CFTR: variants seen among roughly 807,000 people sequenced by gnomAD.
The protein encoded by CFTR is cystic fibrosis transmembrane conductance regulator.
In CFTR, 181 loss-of-function variants were observed where a neutral mutation model predicts 171.6. The observed-to-expected ratio is 1.05, with a 90% CI of 0.93 to 1.19. The LOEUF is 1.19. Ranked by LOEUF, CFTR falls within the 50% of genes most tolerant of loss-of-function variation. The pLI, the probability that CFTR is intolerant of heterozygous loss-of-function variation, is 0.00. For synonymous variants in CFTR, 583 were observed against 608.0 expected (o/e 0.96, Z 0.60); for missense variants, 1,968 against 1,734.7 (o/e 1.13, Z -2.39).
chr7:117,526,340 A>C (rs866746046), intron 3 of CFTR, among the ~76,000 whole-genome samples: 3 of 125,960 alleles, frequency 2.4e-5, no homozygotes, highest in Non-Finnish European at 4.9e-5. Context: ...ACATACCAGA[A>C]TCTCTGGGAT....
rs190831650 is a variant in CFTR, at chr7:117,566,400, A to C, written c.1584+6745A>C. ...CTGTGAGCTGAGATTGCGCCACTGC[A>C]CTCTAGCCTGGGTGACAGAGTGAGA... On this transcript the variant is annotated intron_variant, in intron 11 of 26. Transcript: ENST00000003084. 9.3e-4 allele frequency among the ~76,000 whole-genome samples: 142 copies of C among 152,198 alleles called. 1 individual carries two copies. Among genetic ancestry groups the C allele is most frequent in the Non-Finnish European group, 9.1e-4 (62 of 68,016 alleles).
chr7:117,648,451 T>G (rs564614656), intron 23 of CFTR, among the ~76,000 whole-genome samples: 1 of 152,168 alleles, frequency 6.6e-6, no homozygotes, highest in South Asian at 2.1e-4. Flanking sequence ...ACCGGGTGAG[T>G]AATGGTGCTC....
In CFTR at chr7:117,585,817, G is replaced by GA. The variant is rs369943450; in HGVS notation, c.1585-1915dup. Reference sequence around the variant, plus strand: ...CTACCATGCCCAGCTAATTTAAAAGGAAAAAAATTGTGTAGAGATGGGTCT... The same window carrying GA: ...CTACCATGCCCAGCTAATTTAAAAGGAAAAAAAATTGTGTAGAGATGGGTCT... On this transcript the variant is annotated intron_variant, in intron 11 of 26. Coordinates refer to ENST00000003084, the MANE Select transcript of CFTR (RefSeq NM_000492.4). 3.3e-5 allele frequency among the ~76,000 whole-genome samples: 5 copies of GA among 151,888 alleles called. 1 individual carries two copies. Among genetic ancestry groups the GA allele is most frequent in the African/African-American group, 9.6e-5 (4 of 41,464 alleles).
chr7:117,626,390 T>G (rs1387363315), intron 21 of CFTR, among the ~76,000 whole-genome samples: 1 of 152,136 alleles, frequency 6.6e-6, no homozygotes, highest in Non-Finnish European at 1.5e-5. Flanking sequence ...CCAAAAAGAA[T>G]AATTTTTGAA....
chr7:117,582,185 T>C (rs1236468816), intron 11 of CFTR, among the ~76,000 whole-genome samples: 2 of 152,210 alleles, frequency 1.3e-5, no homozygotes, highest in Non-Finnish European at 2.9e-5. Context: ...TTATGAAACA[T>C]AAACTATTAT....
rs1249695890 is a variant in CFTR at position 117,531,096 on chromosome 7, T to TA, written c.472dup (p.Ser158LysfsTer5). On this transcript the variant is annotated frameshift_variant, in exon 4 of 27. Transcript: ENST00000003084. LOFTEE classifies it high-confidence loss of function. ...GAATGCAGATGAGAATAGCTATGTT[T>TA]AGTTTGATTTATAAGAAGGTAATAC... The TA allele has an allele frequency of 6.2e-7, 1 of 1,612,732 alleles. No homozygotes were observed.
rs1792099468 is a variant in CFTR at position 117,595,026 on chromosome 7, C to T, written c.2587C>T (p.Leu863=). ...ITVHKSLIFV[L]IWCLVIFLAE... Reference sequence around the variant, plus strand: ...TGTCCACAAGAGCTTAATTTTTGTGCTAATTTGGTGCTTAGTAATTTTTCT... The same window carrying T: ...TGTCCACAAGAGCTTAATTTTTGTGTTAATTTGGTGCTTAGTAATTTTTCT... Residue 863 remains leucine, a synonymous_variant, in exon 15 of 27, where the codon CTA becomes TTA. Transcript: ENST00000003084. The T allele has an allele frequency of 6.2e-7, 1 of 1,612,506 alleles. No individual in the cohort carries two copies. The highest frequency in any genetic ancestry group is 8.5e-7 in the Non-Finnish European group (1 of 1,179,260).
intron 2 of CFTR, among the ~76,000 whole-genome samples, chr7:117,505,267 C>G (rs997075367): frequency 1.1e-4 from 17 of 152,194 alleles, no homozygotes; most frequent in African/African-American, 3.6e-4. Flanking sequence ...GTAGTCCCCC[C>G]CATAAAGAAT....
chr7:117,614,659 TATC>T lies in CFTR; in HGVS notation c.3417_3419del (p.Ile1139del), dbSNP rs1357673064. On this transcript the variant is annotated inframe_deletion, in exon 21 of 27. Coordinates refer to ENST00000003084, the MANE Select transcript of CFTR (RefSeq NM_000492.4). ...GTATTATCCTGACTTTAGCCATGAA[TATC>T]ATGAGTACATTGCAGTGGGCTGTAA... The T allele has an allele frequency of 6.2e-7, 1 of 1,612,592 alleles. No homozygotes were observed. Among genetic ancestry groups the T allele is most frequent in the South Asian group, 1.1e-5 (1 of 91,056 alleles).
In CFTR at chr7:117,642,579, G is replaced by A. The variant is rs1792936385; in HGVS notation, c.3859G>A (p.Gly1287Arg). 2.5e-6 allele frequency: 4 copies of A among 1,613,382 alleles called. No individual in the cohort carries two copies. The highest frequency in any genetic ancestry group is 3.4e-6 in the Non-Finnish European group (4 of 1,179,612). ...ITLQQWRKAF[G>R]VIPQKVFIFS... Reference sequence around the variant, plus strand: ...TTTGCAACAGTGGAGGAAAGCCTTTGGAGTGATACCACAGGTGAGCAAAAG... The same window carrying A: ...TTTGCAACAGTGGAGGAAAGCCTTTAGAGTGATACCACAGGTGAGCAAAAG... Residue 1287 changes from glycine to arginine, a missense_variant, in exon 23 of 27, where the codon GGA becomes AGA. By Grantham distance (125) the Gly-to-Arg change is moderately radical. Transcript: ENST00000003084.
At chr7:117,551,648 A>T (rs1788230454) in intron 10 of CFTR, among the ~76,000 whole-genome samples, 1 of 152,166 alleles carries the variant, frequency 6.6e-6, no homozygotes, top group African/African-American at 2.4e-5. Context: ...TAGGAAATAG[A>T]TTTTTGTTTG....
chr7:117,530,865 G>T, intron 3 of CFTR, 34 bp from the exon 4 acceptor site: 1 of 1,371,450 alleles, frequency 7.3e-7, no homozygotes, highest in Non-Finnish European at 1.0e-6. Flanking sequence ...AGAAATAAAT[G>T]AAATTTAATT....
At chr7:117,597,830 C>CG (rs958360753) in intron 15 of CFTR, among the ~76,000 whole-genome samples, 178 of 149,668 alleles carry the variant, frequency 1.2e-3, no homozygotes, top group Non-Finnish European at 1.4e-3. Context: ...AAAAAAGGGG[C>CG]GGGGGGGCAG....
intron 23 of CFTR, 44 bp from the exon 24 acceptor site, chr7:117,652,794 GTTAT>G: frequency 1.1e-6 from 1 of 921,464 alleles, no homozygotes; most frequent in Non-Finnish European, 1.7e-6. Flanking sequence ...AAAATAAAAA[GTTAT>G]TTAAGTTATT....
chr7:117,604,182 A>T (rs906652686), intron 17 of CFTR, among the ~76,000 whole-genome samples: 1 of 152,190 alleles, frequency 6.6e-6, no homozygotes, highest in African/African-American at 2.4e-5. Flanking sequence ...CTATTGATTA[A>T]GTCTTTTGAT....
chr7:117,606,627 T>TA lies in CFTR; in HGVS notation c.2909-41dup, dbSNP rs1177376696. The TA allele has an allele frequency of 4.9e-6, 5 of 1,018,654 alleles. No homozygotes were observed. The highest frequency in any genetic ancestry group is 1.6e-5 in the African/African-American group (1 of 63,404). The allele number at this position is 1,018,654 out of a possible 1,614,324, so 63.1% of individuals were successfully genotyped here. A position where few individuals can be genotyped will look rare whatever the true frequency, so the allele number is the denominator to read the frequency against. On this transcript the variant is annotated intron_variant, in intron 17 of 26. Transcript: ENST00000003084. ...AGTATTGAATATATTGATATATCTTTAAAAAATTAGTGTTTTTTGAGGAAT... is the reference window on the plus strand; with the variant it reads ...AGTATTGAATATATTGATATATCTTTAAAAAAATTAGTGTTTTTTGAGGAAT...
chr7:117,548,870 G>A (rs1248405461), intron 10 of CFTR, 47 bp downstream of exon 10: 12 of 1,569,580 alleles, frequency 7.6e-6, no homozygotes, highest in Non-Finnish European at 9.5e-6. Context: ...TGGTGTCCAT[G>A]TCTCTTTTTT....
At chr7:117,603,486 T>G in intron 16 of CFTR, 46 bp from the exon 17 acceptor site, 1 of 1,611,426 alleles carries the variant, frequency 6.2e-7, no homozygotes, top group Non-Finnish European at 8.5e-7. Context: ...GGAAATTCAG[T>G]AAGTAACTTT....
chr7:117,606,263 G>A (rs532606045), intron 17 of CFTR, among the ~76,000 whole-genome samples: 10 of 152,118 alleles, frequency 6.6e-5, no homozygotes, highest in Non-Finnish European at 1.5e-4. Flanking sequence ...GAAGTCAGAG[G>A]AGAAGGAGAC....
Sources: gnomAD v4.1 joint callset for allele counts (sites outside exome capture counted in the v4.1 genomes callset) on GRCh38, gnomAD v4.1.1 for gene constraint, MANE v1.5 for transcripts, NCBI Gene and HGNC (gene_info 2026-07-23, HGNC 2026-07-21) for gene names.